The following IL7 variants were observed in gnomAD, a reference collection of about 807,000 sequenced individuals.
The protein encoded by IL7 is interleukin-7.
Under a neutral mutation model 21.6 loss-of-function variants are expected in IL7, and 3 were observed. The observed-to-expected ratio is 0.14, with a 90% CI of 0.06 to 0.36. The LOEUF is 0.36. Ranked by LOEUF, IL7 falls within the 10% of genes least tolerant of loss-of-function variation. The pLI is 1.00. For missense variants in IL7, 175 were observed against 200.2 expected (o/e 0.87, Z 0.76); for synonymous variants, 62 against 68.1 (o/e 0.91, Z 0.44).
intron 3 of IL7, among the ~76,000 whole-genome samples, chr8:78,723,092 AATATATATAT>A (rs71264200): frequency 7.1e-6 from 1 of 140,490 alleles, no homozygotes; most frequent in Admixed American, 7.1e-5. Context: ...TAGAAGTACA[AATATATATAT>A]ATATATATAT....
chr8:78,790,615 G>A (rs566967673), intron 2 of IL7, among the ~76,000 whole-genome samples: 8 of 152,080 alleles, frequency 5.3e-5, no homozygotes, highest in Middle Eastern at 3.4e-3. Flanking sequence ...GGACTAGTAC[G>A]GGGAAATAAG....
intron 2 of IL7, among the ~76,000 whole-genome samples, chr8:78,773,757 T>A (rs1813042107): frequency 6.6e-6 from 1 of 152,120 alleles, no homozygotes; most frequent in Non-Finnish European, 1.5e-5. Context: ...TGGGAAGTTC[T>A]CATAATGTAT....
chr8:78,677,685 C>T (rs1037681703), intron 4 of IL7, among the ~76,000 whole-genome samples: 2 of 151,652 alleles, frequency 1.3e-5, no homozygotes, highest in African/African-American at 4.8e-5. Flanking sequence ...GACTTTGTTA[C>T]TTTTTCTTAT....
chr8:78,769,953 A>C (rs1489142492), intron 2 of IL7, among the ~76,000 whole-genome samples: 8 of 152,192 alleles, frequency 5.3e-5, no homozygotes, highest in Admixed American at 5.2e-4. Context: ...CCTATTTAAT[A>C]AATGGTGCTG....
intron 2 of IL7, among the ~76,000 whole-genome samples, chr8:78,785,719 A>G (rs956590798): frequency 1.3e-5 from 2 of 152,088 alleles, no homozygotes; most frequent in African/African-American, 4.8e-5. Flanking sequence ...GCATTTCTGT[A>G]TCGTTGTATG....
At chr8:78,774,238 T>A (rs983387501) in intron 2 of IL7, among the ~76,000 whole-genome samples, 1 of 152,128 alleles carries the variant, frequency 6.6e-6, no homozygotes, top group Non-Finnish European at 1.5e-5. Flanking sequence ...TATCTAACCC[T>A]GTAGCCTTGC....
intron 3 of IL7, chr8:78,721,467 G>A (rs754499942): frequency 6.6e-6 from 1 of 152,008 alleles, no homozygotes; most frequent in African/African-American, 2.4e-5. Context: ...TTGAGTAAAA[G>A]TTACTGATAA....
intron 3 of IL7, among the ~76,000 whole-genome samples, chr8:78,687,453 T>A (rs1810024307): frequency 1.4e-5 from 2 of 146,150 alleles, no homozygotes; most frequent in African/African-American, 2.5e-5. Context: ...ATAGACTATA[T>A]ATACATAATT....
chr8:78,724,805 C>T (rs1811311733), intron 3 of IL7, among the ~76,000 whole-genome samples: 1 of 152,028 alleles, frequency 6.6e-6, no homozygotes, highest in Non-Finnish European at 1.5e-5. Flanking sequence ...GTTTCTCCCT[C>T]TTATATCAGT....
chr8:78,758,027 T>C (rs1032117593), intron 2 of IL7, among the ~76,000 whole-genome samples: 2 of 152,088 alleles, frequency 1.3e-5, no homozygotes, highest in African/African-American at 4.8e-5. Flanking sequence ...TTTTACACCA[T>C]GACTGTGAGA....
chr8:78,698,775 A>G (rs184881836), intron 3 of IL7, among the ~76,000 whole-genome samples: 1 of 152,310 alleles, frequency 6.6e-6, no homozygotes, highest in East Asian at 1.9e-4. Context: ...GTCTAAGGAA[A>G]TAATTTGAAA....
rs117812286 is a variant in IL7 at position 78,700,864 on chromosome 8, T to G, written n.215-14917A>C. ...TGCTATTCTGTTCCACTGGTCCATG[T>G]TCCAGTACCATGCTGTTTTGATTAC... On this transcript the variant is annotated intron_variant and non_coding_transcript_variant, in intron 3 of 4. Transcript: ENST00000523959. Among the ~76,000 whole-genome samples, 100 of 152,338 alleles carry G rather than the reference T, an allele frequency of 6.6e-4. 2 individuals carry two copies. In the East Asian group the frequency reaches 0.017, roughly 26 times the overall value.
At chr8:78,727,273 C>T (rs1811354627) in intron 3 of IL7, among the ~76,000 whole-genome samples, 1 of 152,000 alleles carries the variant, frequency 6.6e-6, no homozygotes, top group African/African-American at 2.4e-5. Flanking sequence ...GCATAGAACA[C>T]CTAAATCACC....
chr8:78,747,202 T>C (rs1812008773), intron 2 of IL7: 1 of 381,580 alleles, frequency 2.6e-6, no homozygotes, highest in South Asian at 2.0e-5. Context: ...TTTTTTTTTT[T>C]TTTTTTTGAG....
intron 2 of IL7, chr8:78,761,587 C>A: frequency 6.2e-7 from 1 of 1,611,950 alleles, no homozygotes; most frequent in Non-Finnish European, 8.5e-7. Flanking sequence ...CAACAAACCT[C>A]ACCAACACAG....
chr8:78,707,815 T>C (rs1371591961), intron 3 of IL7, among the ~76,000 whole-genome samples: 1 of 151,966 alleles, frequency 6.6e-6, no homozygotes. Flanking sequence ...GAACCATTCA[T>C]AGCTGTCTAT....
chr8:78,798,737 A>G (rs1813951988), intron 1 of IL7, among the ~76,000 whole-genome samples: 1 of 151,984 alleles, frequency 6.6e-6, no homozygotes, highest in Non-Finnish European at 1.5e-5. Context: ...TCTTTTTAAT[A>G]ATGAACCCTG....
intron 2 of IL7, among the ~76,000 whole-genome samples, chr8:78,769,004 C>G (rs1174928478): frequency 6.6e-6 from 1 of 152,198 alleles, no homozygotes; most frequent in African/African-American, 2.4e-5. Flanking sequence ...TAAAAACTCT[C>G]AATAACTTAG....
At chr8:78,801,859 T>C (rs1321753950) in intron 1 of IL7, among the ~76,000 whole-genome samples, 1 of 152,140 alleles carries the variant, frequency 6.6e-6, no homozygotes, top group Non-Finnish European at 1.5e-5. Context: ...TGATGTAGCT[T>C]GGTAGTTTGG....
Sources: gnomAD v4.1 joint callset for allele counts (sites outside exome capture counted in the v4.1 genomes callset) on GRCh38, gnomAD v4.1.1 for gene constraint, MANE v1.5 for transcripts, NCBI Gene and HGNC (gene_info 2026-07-23, HGNC 2026-07-21) for gene names.